The following RAD51B variants were observed in gnomAD, a reference collection of about 807,000 sequenced individuals.
The protein encoded by RAD51B is DNA repair protein RAD51 homolog 2.
A neutral mutation model predicts 42.2 loss-of-function variants in RAD51B; 38 were observed. The ratio of observed to expected loss-of-function variants is 0.90; its 90% CI spans 0.70 to 1.18. The LOEUF (loss-of-function observed/expected upper bound fraction) is 1.18. RAD51B is among the 50% of genes most tolerant of loss of function. The pLI, the probability that RAD51B is intolerant of heterozygous loss-of-function variation, is 0.00. For missense variants in RAD51B, 373 were observed against 400.7 expected (o/e 0.93, Z 0.59); for synonymous variants, 154 against 145.2 (o/e 1.06, Z -0.43).
At chr14:68,075,326 G>A (rs796115520) in intron 7 of RAD51B, among the ~76,000 whole-genome samples, 15 of 152,258 alleles carry the variant, frequency 9.9e-5, no homozygotes, top group African/African-American at 3.6e-4. Context: ...CAGTCCGAGG[G>A]CAGCAAGGGT....
chr14:68,603,151 C>T (rs1404256475), intron 10 of RAD51B, among the ~76,000 whole-genome samples: 2 of 152,136 alleles, frequency 1.3e-5, no homozygotes, highest in African/African-American at 2.4e-5. Flanking sequence ...TCTCTAATCC[C>T]CCATAGTACC....
At chr14:68,045,313 T>A (rs1363828521) in intron 7 of RAD51B, among the ~76,000 whole-genome samples, 1 of 150,468 alleles carries the variant, frequency 6.6e-6, no homozygotes, top group East Asian at 1.9e-4. Flanking sequence ...ATATCTTAGC[T>A]TTGGATAATA....
chr14:68,165,500 G>A (rs1480514758), intron 7 of RAD51B, among the ~76,000 whole-genome samples: 1 of 151,816 alleles, frequency 6.6e-6, no homozygotes, highest in Admixed American at 6.6e-5. Context: ...TTATTCATAT[G>A]CATTTTTTTT....
rs190258914 is a variant in RAD51B, at chr14:68,007,967, C to T, written c.756+120763C>T. Among the ~76,000 whole-genome samples, 536 of 151,686 alleles carry T rather than the reference C, an allele frequency of 3.5e-3. 1 individual carries two copies. Among genetic ancestry groups the T allele is most frequent in the Admixed American group, 7.1e-3 (108 of 15,228 alleles). On this transcript the variant is annotated intron_variant, in intron 7 of 10. Coordinates refer to ENST00000471583, the MANE Select transcript of RAD51B (RefSeq NM_133510.4). ...GCAAATTGGAATGATGACTTTTTTG[C>T]GTATTATATTTTTAAAAATATGATT...
At chr14:67,997,592 TTTTC>T (rs1374534350) in intron 7 of RAD51B, among the ~76,000 whole-genome samples, 1 of 152,112 alleles carries the variant, frequency 6.6e-6, no homozygotes, top group Non-Finnish European at 1.5e-5. Flanking sequence ...ACACAGATGG[TTTTC>T]TTTCTATTTA....
intron 3 of RAD51B, among the ~76,000 whole-genome samples, chr14:67,827,853 T>C (rs182475661): frequency 1.2e-3 from 178 of 152,380 alleles, no homozygotes; most frequent in African/African-American, 4.1e-3. Flanking sequence ...TATTCCATTG[T>C]GTATACGTAC....
intron 8 of RAD51B, among the ~76,000 whole-genome samples, chr14:68,410,697 A>T (rs2084393179): frequency 6.6e-6 from 1 of 152,202 alleles, no homozygotes; most frequent in Admixed American, 6.5e-5. Context: ...TCAAGGGGGA[A>T]GGAGCAGGTA....
chr14:67,842,710 C>T (rs1257642290), intron 4 of RAD51B, among the ~76,000 whole-genome samples: 1 of 152,192 alleles, frequency 6.6e-6, no homozygotes, highest in Non-Finnish European at 1.5e-5. Context: ...CTAGGACTTC[C>T]TGTACTATGT....
intron 7 of RAD51B, among the ~76,000 whole-genome samples, chr14:68,219,504 A>G (rs963699407): frequency 2.6e-5 from 4 of 152,152 alleles, no homozygotes; most frequent in Non-Finnish European, 5.9e-5. Context: ...CTGAAGACAG[A>G]TCACATCACA....
intron 9 of RAD51B, among the ~76,000 whole-genome samples, chr14:68,455,673 T>C (rs1594863501): frequency 1.3e-5 from 2 of 151,966 alleles, no homozygotes; most frequent in South Asian, 4.2e-4. Flanking sequence ...TGAGCCGAGA[T>C]TGCGCCACTG....
In RAD51B at chr14:68,497,489, T is replaced by C. The variant is rs534737083; in HGVS notation, c.1036+29239T>C. The C allele has an allele frequency of 9.9e-5, 105 of 1,063,358 alleles. No individual in the cohort carries two copies. The South Asian group carries it at 4.3e-3, about 44-fold the overall frequency. 65.9% of individuals were successfully genotyped at this position (1,063,358 alleles called of 1,614,324 possible). A position where few individuals can be genotyped will look rare whatever the true frequency, so the allele number is the denominator to read the frequency against. On this transcript the variant is annotated intron_variant, in intron 10 of 10. Coordinates refer to the RAD51B transcript ENST00000487270. ...TTGTGTTCGTGGAACACATAGGTTT[T>C]TTTTTTTTAACTTTCTCTTTCTAAA... is the stretch of plus-strand genomic sequence containing the variant.
chr14:68,036,486 C>T (rs2076124769), intron 7 of RAD51B, among the ~76,000 whole-genome samples: 2 of 152,202 alleles, frequency 1.3e-5, no homozygotes, highest in South Asian at 4.1e-4. Flanking sequence ...GCAGAAAGAA[C>T]ATCCAAGTCT....
chr14:68,112,108 T>C (rs1213295418), intron 7 of RAD51B, among the ~76,000 whole-genome samples: 1 of 152,098 alleles, frequency 6.6e-6, no homozygotes, highest in Non-Finnish European at 1.5e-5. Flanking sequence ...TTTAAAAGCC[T>C]TTGGGGCTTT....
chr14:68,477,626 C>CTT (rs528099287), intron 10 of RAD51B, 22 bp from the exon 11 acceptor site: 227 of 1,407,322 alleles, frequency 1.6e-4, no homozygotes, highest in Admixed American at 4.6e-4. Context: ...CAAACTTTCT[C>CTT]TTTTTTTTTT....
intron 8 of RAD51B, among the ~76,000 whole-genome samples, chr14:68,382,188 T>C (rs1358211305): frequency 6.6e-6 from 1 of 152,242 alleles, no homozygotes; most frequent in African/African-American, 2.4e-5. Flanking sequence ...TTATTCTTGA[T>C]TGTAGAGAGC....
intron 10 of RAD51B, among the ~76,000 whole-genome samples, chr14:68,474,849 A>G (rs548398470): frequency 2.6e-5 from 4 of 152,386 alleles, no homozygotes; most frequent in South Asian, 4.1e-4. Flanking sequence ...AGGTGTAACT[A>G]TAACCTAAAC....
chr14:68,606,698 G>T (rs561126197), intron 10 of RAD51B, among the ~76,000 whole-genome samples: 7 of 152,168 alleles, frequency 4.6e-5, no homozygotes, highest in African/African-American at 1.4e-4. Context: ...GGAAGGAATC[G>T]CATCTTAGAC....
chr14:68,058,112 G>C (rs1446225055), intron 7 of RAD51B, among the ~76,000 whole-genome samples: 1 of 151,922 alleles, frequency 6.6e-6, no homozygotes, highest in East Asian at 1.9e-4. Context: ...AAAAAATTGA[G>C]TATATGATAC....
intron 7 of RAD51B, among the ~76,000 whole-genome samples, chr14:68,101,902 T>C (rs2077297026): frequency 6.6e-6 from 1 of 152,210 alleles, no homozygotes; most frequent in African/African-American, 2.4e-5. Flanking sequence ...ACCTCTACAT[T>C]AGACTTCTGC....
Sources: allele counts gnomAD v4.1 joint callset (sites outside exome capture counted in the v4.1 genomes callset), GRCh38; gene constraint gnomAD v4.1.1; transcripts MANE v1.5; gene names NCBI Gene and HGNC (gene_info 2026-07-23, HGNC 2026-07-21).